The following BIRC6 variants were observed in gnomAD, a reference collection of about 807,000 sequenced individuals.
BIRC6 encodes baculoviral IAP repeat containing 6.
BIRC6 carries 98 observed loss-of-function variants against 503.3 expected under a neutral mutation model. That is an observed-to-expected ratio of 0.19 (90% CI 0.17 to 0.23). The LOEUF is 0.23. Among genes scored for constraint, BIRC6 ranks in the 10% least tolerant of loss-of-function variants. The probability of loss-of-function intolerance (pLI) is 1.00; values close to 1 mark genes in which losing one functional copy is unlikely to be tolerated. For missense variants in BIRC6, 5,360 were observed against 5,806.0 expected (o/e 0.92, Z 2.50); for synonymous variants, 2,240 against 2,078.7 (o/e 1.08, Z -2.11).
chr2:32,570,541 C>G (rs888862773), intron 65 of BIRC6, among the ~76,000 whole-genome samples: 1 of 151,964 alleles, frequency 6.6e-6, no homozygotes, highest in Non-Finnish European at 1.5e-5. Context: ...CTCTGTCACC[C>G]AGGCTGGAGT....
intron 15 of BIRC6, among the ~76,000 whole-genome samples, chr2:32,438,924 A>G (rs1290855010): frequency 6.6e-6 from 1 of 152,154 alleles, no homozygotes; most frequent in Non-Finnish European, 1.5e-5. Context: ...GAGGTAGGAA[A>G]TATTACTCTT....
In BIRC6 at chr2:32,441,877, C is replaced by T. The variant is rs557461967; in HGVS notation, c.3945-188C>T. 2.0e-5 allele frequency among the ~76,000 whole-genome samples: 3 copies of T among 152,248 alleles called. No individual in the cohort carries two copies. In the East Asian group the frequency reaches 5.8e-4, roughly 29 times the overall value. ...ATACACATTCCATGTTACATTACAA[C>T]ACATTATTGTAAATGTTATTAAAAA... is the stretch of plus-strand genomic sequence containing the variant. On this transcript the variant is annotated intron_variant, in intron 17 of 73. Coordinates refer to ENST00000421745, the MANE Select transcript of BIRC6 (RefSeq NM_016252.4).
intron 71 of BIRC6, among the ~76,000 whole-genome samples, chr2:32,607,053 T>G (rs530505449): frequency 6.6e-6 from 1 of 151,444 alleles, no homozygotes; most frequent in African/African-American, 2.4e-5. Flanking sequence ...TTATGCTCCT[T>G]AAGAACAGTT....
chr2:32,468,660 C>G lies in BIRC6; in HGVS notation c.6004C>G (p.Arg2002Gly), dbSNP rs779431710. ...GCTCAAAGTGGCGCTAGGTGCAAGC[C>G]GGAAGATGTTGAGTGAAACATCAAA... Reference protein sequence around the residue: ...QRLKVALGASRKMLSETSNPE... With the variant: ...QRLKVALGASGKMLSETSNPE... The change falls in exon 29 of 74, where the codon CGG (arginine) becomes GGG (glycine). Residue 2002 changes from arginine to glycine, a missense_variant. Arg to Gly is a moderately radical substitution (Grantham distance 125). Around this residue, in one of 16 missense-constraint regions of BIRC6, gnomAD observed 2,299 missense variants for 2,267.2 expected, o/e 1.01. Transcript: ENST00000421745. The G allele has an allele frequency of 2.5e-6, 4 of 1,613,820 alleles. No homozygotes were observed. The highest frequency in any genetic ancestry group is 2.2e-5 in the South Asian group (2 of 91,086).
chr2:32,568,509 G>T (rs1223326161), intron 65 of BIRC6, among the ~76,000 whole-genome samples: 2 of 138,194 alleles, frequency 1.4e-5, no homozygotes, highest in Non-Finnish European at 3.2e-5. Flanking sequence ...AAAAAAAAAA[G>T]GAAAATAATA....
intron 56 of BIRC6, among the ~76,000 whole-genome samples, 161 bp downstream of exon 56, chr2:32,518,558 C>T (rs1340180120): frequency 6.6e-6 from 1 of 152,164 alleles, no homozygotes; most frequent in Non-Finnish European, 1.5e-5. Flanking sequence ...CAGGATAGCG[C>T]TCTCCCTCAT....
intron 16 of BIRC6, 92 bp downstream of exon 16, chr2:32,439,778 T>C: frequency 1.7e-6 from 2 of 1,167,660 alleles, no homozygotes; most frequent in Non-Finnish European, 2.4e-6. Flanking sequence ...GACCTTTCAG[T>C]GATGTTTTAC....
intron 23 of BIRC6, among the ~76,000 whole-genome samples, chr2:32,461,675 T>G (rs1397638863): frequency 6.6e-6 from 1 of 152,126 alleles, no homozygotes; most frequent in Non-Finnish European, 1.5e-5. Context: ...TTTAGCTTAT[T>G]TTTTAATTTT....
rs532487775 is a variant in BIRC6, at chr2:32,460,037, A to G, written c.4754-3157A>G. 7.4e-5 allele frequency among the ~76,000 whole-genome samples: 11 copies of G among 148,766 alleles called. No individual in the cohort carries two copies. The South Asian group carries it at 1.7e-3, about 23-fold the overall frequency. ...TTACTTTTTTCTTTCTCATCATTTT[A>G]TCGTCGTTTTTTCCTTGTGTTATTT... On this transcript the variant is annotated intron_variant, in intron 23 of 73. Coordinates refer to ENST00000421745, the MANE Select transcript of BIRC6 (RefSeq NM_016252.4).
chr2:32,525,149 C>A (rs1387152617), intron 58 of BIRC6, 130 bp downstream of exon 58: 3 of 840,492 alleles, frequency 3.6e-6, no homozygotes, highest in African/African-American at 1.8e-5. Flanking sequence ...TGTTTTAATA[C>A]TAGATTTTTA....
chr2:32,396,458 C>T (rs936224989), intron 6 of BIRC6, among the ~76,000 whole-genome samples: 24 of 152,174 alleles, frequency 1.6e-4, no homozygotes, highest in East Asian at 3.8e-4. Context: ...CTTGCTAAAA[C>T]GTATTGCAGT....
At chr2:32,552,157 A>G (rs909795523) in intron 65 of BIRC6, among the ~76,000 whole-genome samples, 3 of 152,120 alleles carry the variant, frequency 2.0e-5, no homozygotes, top group African/African-American at 2.4e-5. Context: ...TTAAATGTCA[A>G]TTGTGGTTTC....
chr2:32,545,595 T>C, intron 62 of BIRC6, 48 bp from the exon 63 acceptor site: 1 of 1,454,272 alleles, frequency 6.9e-7, no homozygotes, highest in Non-Finnish European at 9.6e-7. Context: ...ACTTCTTATG[T>C]GTTTTTAACT....
At position 32,501,716 on chromosome 2, in the gene BIRC6, C is replaced by T. The variant is rs1467532213; in HGVS notation, c.9035C>T (p.Ala3012Val). 2.5e-6 allele frequency: 4 copies of T among 1,605,298 alleles called. No individual in the cohort carries two copies. The highest frequency in any genetic ancestry group is 1.7e-5 in the Admixed American group (1 of 57,626). ...NSSAMAMIIG[A>V]SGLHLTKHEN... ...TGGTATCTTTTATTTTTCTTAGGAG[C>T]AAGTGGATTACATCTCACTAAACAT... Residue 3012 changes from alanine (A) to valine (V), a missense_variant, in exon 47 of 74, where the codon GCA becomes GTA. Around this residue, in one of 16 missense-constraint regions of BIRC6, gnomAD observed 267 missense variants for 287.6 expected, o/e 0.93. Transcript: ENST00000421745.
chr2:32,547,570 T>C (rs953245722), intron 63 of BIRC6, among the ~76,000 whole-genome samples: 2 of 152,232 alleles, frequency 1.3e-5, no homozygotes, highest in African/African-American at 2.4e-5. Context: ...AAATATCCTG[T>C]TTGTTGATCC....
chr2:32,605,225 A>G (rs1397608720), intron 71 of BIRC6, among the ~76,000 whole-genome samples: 2 of 151,878 alleles, frequency 1.3e-5, no homozygotes, highest in African/African-American at 4.8e-5. Flanking sequence ...CCCACGTTTC[A>G]CCATCAAATA....
chr2:32,471,048 T>A lies in BIRC6; in HGVS notation c.6516T>A (p.Val2172=). ...VLDIPMISWV[V]MLVSRLLDYV... Reference sequence around the variant, plus strand: ...ATATTCCCATGATCAGTTGGGTTGTTATGCTGGTGTCCAGGTTGCTGGATT... The same window carrying A: ...ATATTCCCATGATCAGTTGGGTTGTAATGCTGGTGTCCAGGTTGCTGGATT... The change falls in exon 32 of 74, where the codon GTT becomes GTA. Residue 2172 remains valine (V), a synonymous_variant. Transcript: ENST00000421745. The A allele has an allele frequency of 6.3e-7, 1 of 1,580,952 alleles. No homozygotes were observed.
chr2:32,494,964 T>C (rs575555903), intron 45 of BIRC6, among the ~76,000 whole-genome samples: 8 of 152,222 alleles, frequency 5.3e-5, no homozygotes, highest in Non-Finnish European at 1.2e-4. Context: ...ATTGCCACTT[T>C]TTTATCTAAT....
Position 32,470,192 on chromosome 2 carries a change from T to C in BIRC6, c.6372T>C (p.Ile2124=). 6.4e-7 allele frequency: 1 copy of C among 1,562,744 alleles called. No homozygotes were observed. The highest frequency in any genetic ancestry group is 8.7e-7 in the Non-Finnish European group (1 of 1,154,398). ...GGGTCTTCATGTTACTTTCCTGCAT[T>C]GGTCAAAGATCACTTAGTAATAGTG... The part of the protein sequence containing the change: ...QDRVFMLLSC[I]GQRSLSNSGV... Residue 2124 remains isoleucine (I), a synonymous_variant, in exon 31 of 74, where the codon ATT becomes ATC. Transcript: ENST00000421745.
Sources: gnomAD v4.1 joint callset for allele counts (sites outside exome capture counted in the v4.1 genomes callset) on GRCh38, gnomAD v4.1.1 for gene constraint, gnomAD v4.1.1 regional missense constraint, MANE v1.5 for transcripts, NCBI Gene and HGNC (gene_info 2026-07-23, HGNC 2026-07-21) for gene names.